The following AKR1B15 variants were observed in gnomAD, a reference collection of about 807,000 sequenced individuals.
AKR1B15 encodes aldo-keto reductase family 1 member B15.
AKR1B15 carries 49 observed loss-of-function variants against 38.5 expected under a neutral mutation model. The observed-to-expected ratio is 1.27, with a 90% CI of 1.01 to 1.62. The LOEUF (loss-of-function observed/expected upper bound fraction) is 1.62, where lower values mean the gene tolerates loss of function less well. AKR1B15 is among the 40% of genes most tolerant of loss of function. AKR1B15 has a pLI of 0.00. For synonymous variants in AKR1B15, 137 were observed against 135.5 expected (o/e 1.01, Z -0.08); for missense variants, 411 against 381.6 (o/e 1.08, Z -0.64).
intron 1 of AKR1B15, among the ~76,000 whole-genome samples, chr7:134,551,291 C>G (rs962631435): frequency 2.0e-5 from 3 of 152,190 alleles, no homozygotes; most frequent in Non-Finnish European, 4.4e-5. Flanking sequence ...CTGACAGAGG[C>G]CCAAATCCCT....
At chr7:134,569,640 G>T in intron 5 of AKR1B15, 111 bp downstream of exon 5, 1 of 1,119,136 alleles carries the variant, frequency 8.9e-7, no homozygotes, top group African/African-American at 1.6e-5. Flanking sequence ...AAATTGTGAA[G>T]ATTTCATGGA....
At chr7:134,565,325 A>G in intron 3 of AKR1B15, 1 of 1,261,716 alleles carries the variant, frequency 7.9e-7, no homozygotes, top group Non-Finnish European at 1.1e-6. Context: ...CAAACTCCAG[A>G]CACAACATCT....
At chr7:134,562,864 T>TTC (rs1216189522) in intron 2 of AKR1B15, among the ~76,000 whole-genome samples, 1 of 146,464 alleles carries the variant, frequency 6.8e-6, no homozygotes, top group Non-Finnish European at 1.5e-5. Context: ...CTTTCTTTCT[T>TTC]TCTTTCTTTC....
chr7:134,559,181 C>T (rs1196694505), intron 2 of AKR1B15, among the ~76,000 whole-genome samples: 1 of 152,152 alleles, frequency 6.6e-6, no homozygotes, highest in African/African-American at 2.4e-5. Context: ...TTTTTTAACC[C>T]TTCAGTTTGA....
intron 1 of AKR1B15, among the ~76,000 whole-genome samples, chr7:134,555,264 C>G (rs1280901768): frequency 6.6e-6 from 1 of 152,166 alleles, no homozygotes; most frequent in Non-Finnish European, 1.5e-5. Flanking sequence ...CCCTGCCACT[C>G]TTTCCAGCTG....
intron 2 of AKR1B15, among the ~76,000 whole-genome samples, chr7:134,558,659 A>T (rs1397514127): frequency 1.3e-5 from 2 of 152,202 alleles, no homozygotes; most frequent in Non-Finnish European, 2.9e-5. Flanking sequence ...CTTGGTTAAG[A>T]ATCCGGACTG....
At chr7:134,575,323 G>A in intron 6 of AKR1B15, 97 bp from the exon 7 acceptor site, 4 of 1,518,000 alleles carry the variant, frequency 2.6e-6, no homozygotes, top group Non-Finnish European at 3.5e-6. Flanking sequence ...TGTTGCGGTG[G>A]ATCCTTTAGC....
intron 1 of AKR1B15, among the ~76,000 whole-genome samples, chr7:134,554,903 A>C (rs914888537): frequency 6.6e-6 from 1 of 152,160 alleles, no homozygotes; most frequent in African/African-American, 2.4e-5. Flanking sequence ...CATTCAATGG[A>C]AACTCCATTG....
intron 4 of AKR1B15, among the ~76,000 whole-genome samples, 160 bp from the exon 5 acceptor site, chr7:134,569,253 C>T (rs1413869859): frequency 6.6e-6 from 1 of 152,112 alleles, no homozygotes; most frequent in Non-Finnish European, 1.5e-5. Flanking sequence ...GGTGCTGAGC[C>T]CTGGCGATCT....
At chr7:134,575,758 T>C in intron 7 of AKR1B15, 63 bp from the exon 8 acceptor site, 1 of 1,598,646 alleles carries the variant, frequency 6.3e-7, no homozygotes, top group Non-Finnish European at 8.5e-7. Flanking sequence ...TGTGTAGAAC[T>C]CCCTAGGAAC....
intron 2 of AKR1B15, among the ~76,000 whole-genome samples, chr7:134,562,259 G>C (rs1186638303): frequency 6.6e-6 from 1 of 152,206 alleles, no homozygotes; most frequent in Non-Finnish European, 1.5e-5. Context: ...AGAGTGAGCA[G>C]CAGGAAGATT....
At chr7:134,552,119 G>A (rs1277123239) in intron 1 of AKR1B15, among the ~76,000 whole-genome samples, 1 of 152,160 alleles carries the variant, frequency 6.6e-6, no homozygotes, top group Non-Finnish European at 1.5e-5. Flanking sequence ...GTGAGTTTAG[G>A]ACAGAAAAGA....
chr7:134,552,736 C>T (rs1453600355), intron 1 of AKR1B15, among the ~76,000 whole-genome samples: 3 of 151,758 alleles, frequency 2.0e-5, no homozygotes, highest in African/African-American at 4.8e-5. Flanking sequence ...TTCAAGGATG[C>T]TTTTTTTTGC....
chr7:134,577,604 G>A, intron 10 of AKR1B15, 100 bp from the exon 11 acceptor site: 2 of 1,354,600 alleles, frequency 1.5e-6, no homozygotes, highest in Admixed American at 2.0e-5. Flanking sequence ...GCCAGTTTGT[G>A]CTGTGAATGT....
At chr7:134,563,402 G>T (rs1255366292) in intron 2 of AKR1B15, among the ~76,000 whole-genome samples, 2 of 152,174 alleles carry the variant, frequency 1.3e-5, no homozygotes, top group South Asian at 2.1e-4. Flanking sequence ...ACAAAAGTTA[G>T]ATGGGAGTGA....
At chr7:134,559,495 G>A (rs1425560112) in intron 2 of AKR1B15, among the ~76,000 whole-genome samples, 1 of 152,112 alleles carries the variant, frequency 6.6e-6, no homozygotes, top group East Asian at 1.9e-4. Context: ...ATAATCCCCG[G>A]ACCATGGCCC....
At position 134,564,755 on chromosome 7, in the gene AKR1B15, C is replaced by T. The variant is rs757106375; in HGVS notation, c.136C>T (p.Arg46Cys). The T allele has an allele frequency of 4.1e-5, 28 of 682,558 alleles. No homozygotes were observed. Among genetic ancestry groups the T allele is most frequent in the East Asian group, 5.5e-5 (2 of 36,688 alleles). 42.3% of individuals were successfully genotyped at this position (682,558 alleles called of 1,614,324 possible). A position where few individuals can be genotyped will look rare whatever the true frequency, so the allele number is the denominator to read the frequency against. Residue 46 changes from arginine (R) to cysteine (C), a missense_variant, in exon 3 of 12, where the codon CGC becomes TGC. Transcript: ENST00000457545. ...CACTACAAGTGCAGGGCCCCTTCTT[C>T]GCCCCTATCCAGCAGTAAGTGGCTA... ...KDTTSAGPLL[R>C]PYPASLLGKV...
At position 134,579,495 on chromosome 7, in the gene AKR1B15, C is replaced by G. The variant is rs771025996; in HGVS notation, c.993-12C>G. On this transcript the variant is annotated splice_polypyrimidine_tract_variant and intron_variant, in intron 11 of 11. Coordinates refer to ENST00000457545, the MANE Select transcript of AKR1B15 (RefSeq NM_001080538.3). ...GAACACAGTTTCTTTTTTTTTTTCT[C>G]TCTCTCTGTAGATTCTCTCATTTGG... is the stretch of plus-strand genomic sequence containing the variant. The G allele has an allele frequency of 1.4e-5, 22 of 1,562,028 alleles. No homozygotes were observed. Among genetic ancestry groups the G allele is most frequent in the Non-Finnish European group, 1.8e-5 (21 of 1,157,210 alleles).
intron 2 of AKR1B15, 87 bp from the exon 3 acceptor site, chr7:134,564,511 C>T: frequency 3.7e-6 from 2 of 545,158 alleles, no homozygotes; most frequent in Non-Finnish European, 6.5e-6. Context: ...GGCTTCTCCC[C>T]TTTCTAGGTC....
Sources: allele counts gnomAD v4.1 joint callset (sites outside exome capture counted in the v4.1 genomes callset), GRCh38; gene constraint gnomAD v4.1.1; transcripts MANE v1.5; gene names NCBI Gene and HGNC (gene_info 2026-07-23, HGNC 2026-07-21).